The following CSGALNACT1 variants were observed in gnomAD, a reference collection of about 807,000 sequenced individuals.
The protein encoded by CSGALNACT1 is chondroitin sulfate N-acetylgalactosaminyltransferase 1, also known as beta4GalNAcT-1.
CSGALNACT1 carries 52 observed loss-of-function variants against 51.0 expected under a neutral mutation model. The ratio of observed to expected loss-of-function variants is 1.02; its 90% CI spans 0.82 to 1.29. The LOEUF (loss-of-function observed/expected upper bound fraction) is 1.29. CSGALNACT1 is among the 50% of genes most tolerant of loss of function. CSGALNACT1 has a pLI of 0.00. For missense variants in CSGALNACT1, 935 were observed against 679.2 expected (o/e 1.38, Z -4.19); for synonymous variants, 341 against 254.4 (o/e 1.34, Z -3.24).
chr8:19,556,668 C>T (rs2039511687), intron 3 of CSGALNACT1, among the ~76,000 whole-genome samples: 1 of 152,140 alleles, frequency 6.6e-6, no homozygotes, highest in East Asian at 1.9e-4. Context: ...TGCAAGCAGG[C>T]ACAAGCTATA....
At chr8:19,570,867 T>C (rs7464041) in intron 3 of CSGALNACT1, among the ~76,000 whole-genome samples, 29,523 of 152,046 alleles carry the variant, frequency 0.19, 4,952 homozygotes, top group African/African-American at 0.46. Context: ...GAGATCACGC[T>C]ATTGCATAGC....
intron 4 of CSGALNACT1, among the ~76,000 whole-genome samples, chr8:19,492,255 C>T (rs1021264669): frequency 6.6e-6 from 1 of 152,190 alleles, no homozygotes; most frequent in Non-Finnish European, 1.5e-5. Flanking sequence ...AACCAGCATA[C>T]TGCTAGGCTA....
At chr8:19,722,131 TTATC>T (rs1434678173) in intron 1 of CSGALNACT1, among the ~76,000 whole-genome samples, 4 of 152,348 alleles carry the variant, frequency 2.6e-5, no homozygotes, top group African/African-American at 9.6e-5. Flanking sequence ...AAGCATTTAG[TTATC>T]TATCTTTTTT....
At chr8:19,438,711 C>T (rs538356554) in intron 6 of CSGALNACT1, among the ~76,000 whole-genome samples, 2 of 152,194 alleles carry the variant, frequency 1.3e-5, no homozygotes, top group Non-Finnish European at 2.9e-5. Flanking sequence ...ACGGGCATGC[C>T]TGCATTCCAG....
intron 9 of CSGALNACT1, among the ~76,000 whole-genome samples, chr8:19,407,941 G>C (rs1056330062): frequency 7.6e-6 from 1 of 131,388 alleles, no homozygotes; most frequent in African/African-American, 2.6e-5. Context: ...GTGTGTGTGT[G>C]TGTGTGTGTA....
At position 19,754,517 on chromosome 8, in the gene CSGALNACT1, AT is replaced by A. The variant is rs1251212015; in HGVS notation, c.-297+3332del. Reference sequence around the variant, plus strand: ...CTAGATGAAAACCATATACATATATATTTTCAAAGTTTAAAAAAGCATATAT... The same window carrying A: ...CTAGATGAAAACCATATACATATATATTTCAAAGTTTAAAAAAGCATATAT... On this transcript the variant is annotated intron_variant, in intron 1 of 1. Coordinates refer to the CSGALNACT1 transcript ENST00000517494. Among the ~76,000 whole-genome samples, 4 of 152,238 alleles carry A rather than the reference AT, an allele frequency of 2.6e-5. No individual in the cohort carries two copies. In the East Asian group the frequency reaches 7.7e-4, roughly 29 times the overall value.
chr8:19,418,808 T>C, intron 7 of CSGALNACT1, 58 bp from the exon 7 acceptor site: 1 of 1,262,236 alleles, frequency 7.9e-7, no homozygotes, highest in Non-Finnish European at 1.2e-6. Context: ...GTAGGTTTGT[T>C]CCTTGACATT....
At chr8:19,551,070 C>T (rs1464417685) in intron 3 of CSGALNACT1, among the ~76,000 whole-genome samples, 2 of 152,114 alleles carry the variant, frequency 1.3e-5, no homozygotes, top group Non-Finnish European at 2.9e-5. Context: ...TGAAACCACG[C>T]CCCAGGGTTA....
chr8:19,614,986 G>A (rs534076199), intron 1 of CSGALNACT1, among the ~76,000 whole-genome samples: 1 of 152,148 alleles, frequency 6.6e-6, no homozygotes, highest in African/African-American at 2.4e-5. Context: ...GTATCCAAAA[G>A]GTAAAACTGG....
intron 1 of CSGALNACT1, among the ~76,000 whole-genome samples, chr8:19,652,487 C>A (rs145702985): frequency 6.6e-6 from 1 of 152,294 alleles, no homozygotes; most frequent in African/African-American, 2.4e-5. Context: ...AACTGTCTGT[C>A]TTCCCATCTA....
chr8:19,482,605 T>C (rs1018212791), intron 4 of CSGALNACT1, among the ~76,000 whole-genome samples: 2 of 152,152 alleles, frequency 1.3e-5, no homozygotes, highest in African/African-American at 4.8e-5. Flanking sequence ...CCTTCTGACT[T>C]TCTGCCTCCC....
At chr8:19,545,376 A>G (rs2086225933) in intron 3 of CSGALNACT1, among the ~76,000 whole-genome samples, 1 of 152,198 alleles carries the variant, frequency 6.6e-6, no homozygotes, top group Non-Finnish European at 1.5e-5. Context: ...TTTCACGAAA[A>G]ATGAGATGGG....
intron 1 of CSGALNACT1, among the ~76,000 whole-genome samples, chr8:19,676,083 T>TAAAAAAA (rs1564404826): frequency 1.7e-5 from 1 of 59,098 alleles, no homozygotes; most frequent in African/African-American, 4.7e-5. Context: ...GTTGTCTGAT[T>TAAAAAAA]TAAAAAACAA....
intron 3 of CSGALNACT1, among the ~76,000 whole-genome samples, chr8:19,547,022 G>A (rs1056408230): frequency 6.6e-5 from 10 of 152,284 alleles, no homozygotes; most frequent in South Asian, 4.1e-4. Context: ...CAGAAACACC[G>A]TCTGAGAACT....
chr8:19,577,388 G>T (rs1393873214), intron 3 of CSGALNACT1, among the ~76,000 whole-genome samples: 1 of 135,656 alleles, frequency 7.4e-6, no homozygotes, highest in Non-Finnish European at 1.5e-5. Flanking sequence ...AACGAAGCCC[G>T]ACCCCACCTC....
At chr8:19,566,816 C>T (rs548807071) in intron 3 of CSGALNACT1, among the ~76,000 whole-genome samples, 6 of 152,120 alleles carry the variant, frequency 3.9e-5, no homozygotes, top group East Asian at 1.9e-4. Flanking sequence ...TACCCCTCAA[C>T]GATTCACGGA....
At chr8:19,624,550 A>C (rs2054211711) in intron 1 of CSGALNACT1, among the ~76,000 whole-genome samples, 1 of 152,198 alleles carries the variant, frequency 6.6e-6, no homozygotes, top group South Asian at 2.1e-4. Context: ...TCAGTGGTTT[A>C]AAACAACAAA....
At chr8:19,418,776 C>G (rs2057370515) in intron 7 of CSGALNACT1, 26 bp from the exon 7 acceptor site, 1 of 1,486,854 alleles carries the variant, frequency 6.7e-7, no homozygotes, top group Admixed American at 1.7e-5. Context: ...CAAACATTCA[C>G]TTAAAGTGAC....
At chr8:19,419,376 G>C (rs2057505007) in intron 7 of CSGALNACT1, among the ~76,000 whole-genome samples, 1 of 152,212 alleles carries the variant, frequency 6.6e-6, no homozygotes, top group African/African-American at 2.4e-5. Context: ...TTACTTGCTG[G>C]CTCATGGGAT....
Sources: gnomAD v4.1 joint callset for allele counts (sites outside exome capture counted in the v4.1 genomes callset) on GRCh38, gnomAD v4.1.1 for gene constraint, MANE v1.5 for transcripts, NCBI Gene and HGNC (gene_info 2026-07-23, HGNC 2026-07-21) for gene names.